ADAMTS19: variants seen among roughly 807,000 people sequenced by gnomAD.
The protein encoded by ADAMTS19 is A disintegrin and metalloproteinase with thrombospondin motifs 19.
A neutral mutation model predicts 153.3 loss-of-function variants in ADAMTS19; 93 were observed. The ratio of observed to expected loss-of-function variants is 0.61; its 90% confidence interval spans 0.51 to 0.72. ADAMTS19 has a LOEUF of 0.72. ADAMTS19 is among the 30% of genes least tolerant of loss of function. The pLI, the probability that ADAMTS19 is intolerant of heterozygous loss-of-function variation, is 0.00. For synonymous variants in ADAMTS19, 600 were observed against 556.6 expected, an observed-to-expected ratio of 1.08 and a Z score of -1.10; for missense variants, 1,482 against 1,552.1, an observed-to-expected ratio of 0.95 and a Z score of 0.76.
chr5:129,504,903 AC>A (rs1751223952), intron 2 of ADAMTS19, among the ~76,000 whole-genome samples: 2 of 145,180 alleles, frequency 1.4e-5, no homozygotes, highest in Admixed American at 1.4e-4. Flanking sequence ...ACACACACAC[AC>A]CATTTTTTAA....
intron 6 of ADAMTS19, among the ~76,000 whole-genome samples, chr5:129,535,442 C>A (rs1010633058): frequency 3.4e-4 from 52 of 152,330 alleles, no homozygotes; most frequent in Middle Eastern, 3.4e-3. Flanking sequence ...ACATTCCATG[C>A]TTATGGGTAG....
chr5:129,528,569 G>C lies in ADAMTS19; in HGVS notation c.1220G>C (p.Cys407Ser). The change falls in exon 6 of 23, where the codon TGT (cysteine) becomes TCT (serine). Residue 407 changes from cysteine to serine, a missense_variant. Cys to Ser is a moderately radical substitution (Grantham distance 112, BLOSUM62 -1). This residue lies in a region of ADAMTS19 where 866 missense variants were observed against 827.7 expected (regional missense o/e 1.05). Coordinates refer to ENST00000274487, the MANE Select transcript of ADAMTS19 (RefSeq NM_133638.6). ...HHGEKMLESF[C>S]KWQHEEFGKK... ...GGAGAAAAAATGCTAGAGAGTTTTTGTAAGTGGCAACATGAAGAATTTGGC... is the reference window on the plus strand; with the variant it reads ...GGAGAAAAAATGCTAGAGAGTTTTTCTAAGTGGCAACATGAAGAATTTGGC... The C allele has an allele frequency of 6.2e-7, 1 of 1,602,646 alleles. No homozygotes were observed. The highest frequency in any genetic ancestry group is 8.5e-7 in the Non-Finnish European group (1 of 1,175,286).
At chr5:129,509,028 T>C in intron 2 of ADAMTS19, 49 bp from the exon 3 acceptor site, 1 of 1,437,672 alleles carries the variant, frequency 7.0e-7, no homozygotes, top group Non-Finnish European at 9.4e-7. Context: ...TCTAAAAGTA[T>C]TTTTTCAAAT....
At chr5:129,547,308 C>G (rs1752896462) in intron 6 of ADAMTS19, among the ~76,000 whole-genome samples, 1 of 150,768 alleles carries the variant, frequency 6.6e-6, no homozygotes, top group African/African-American at 2.5e-5. Context: ...ATATTCTCAT[C>G]TAGAGCTTTC....
intron 15 of ADAMTS19, among the ~76,000 whole-genome samples, chr5:129,663,012 A>G (rs1753884318): frequency 6.8e-6 from 1 of 147,732 alleles, no homozygotes; most frequent in Non-Finnish European, 1.5e-5. Context: ...CTTCTGCCTC[A>G]GCCTCCTGAG....
intron 16 of ADAMTS19, among the ~76,000 whole-genome samples, chr5:129,676,114 G>T (rs1185496198): frequency 6.6e-6 from 1 of 152,032 alleles, no homozygotes; most frequent in Non-Finnish European, 1.5e-5. Flanking sequence ...CTTTTTATTG[G>T]CTGATTTTTC....
intron 3 of ADAMTS19, among the ~76,000 whole-genome samples, chr5:129,525,337 A>G (rs1258098170): frequency 6.6e-6 from 1 of 151,960 alleles, no homozygotes; most frequent in Non-Finnish European, 1.5e-5. Context: ...TTTAATTTTA[A>G]CTTATTCCAG....
chr5:129,580,757 C>CCAG (rs1486497883), intron 7 of ADAMTS19, among the ~76,000 whole-genome samples: 6 of 152,066 alleles, frequency 3.9e-5, no homozygotes, highest in African/African-American at 1.4e-4. Flanking sequence ...GTATGTTGAA[C>CCAG]CAGCCTTGTA....
intron 8 of ADAMTS19, among the ~76,000 whole-genome samples, chr5:129,608,116 G>GTGTGTGTGTA (rs377008786): frequency 1.1e-3 from 51 of 47,952 alleles, no homozygotes; most frequent in Non-Finnish European, 1.3e-3. Context: ...GTGTGTGTGT[G>GTGTGTGTGTA]TATATATATA....
At chr5:129,480,462 T>C (rs1419383217) in intron 2 of ADAMTS19, among the ~76,000 whole-genome samples, 1 of 152,030 alleles carries the variant, frequency 6.6e-6, no homozygotes, top group Non-Finnish European at 1.5e-5. Flanking sequence ...AAAAACATAA[T>C]ACAAAAAGTG....
At chr5:129,492,962 G>C (rs1750816131) in intron 2 of ADAMTS19, among the ~76,000 whole-genome samples, 1 of 152,028 alleles carries the variant, frequency 6.6e-6, no homozygotes. Context: ...GCTTCTTTAA[G>C]AAGAACTTCC....
rs766012804 is a variant in ADAMTS19, at chr5:129,679,824, C to A, written c.2567C>A (p.Ala856Asp). 9.9e-5 allele frequency: 159 copies of A among 1,613,682 alleles called. No individual in the cohort carries two copies. The highest frequency in any genetic ancestry group is 1.2e-4 in the Non-Finnish European group (147 of 1,179,778). Residue 856 changes from alanine to aspartate, a missense_variant, in exon 17 of 23, where the codon GCC becomes GAC. Around this residue, in one of 2 missense-constraint regions of ADAMTS19, gnomAD observed 616 missense variants for 724.4 expected, o/e 0.85. Coordinates refer to ENST00000274487, the MANE Select transcript of ADAMTS19 (RefSeq NM_133638.6). ...GACTGGAAGATTGAACACTCTGGAGCCTTCAATTTGGCTGGAACTACCGTT... is the reference window on the plus strand; with the variant it reads ...GACTGGAAGATTGAACACTCTGGAGACTTCAATTTGGCTGGAACTACCGTT... The part of the protein sequence containing the change: ...NSDWKIEHSG[A>D]FNLAGTTVHY...
At chr5:129,736,819 T>C (rs1372389968) in intron 22 of ADAMTS19, among the ~76,000 whole-genome samples, 1 of 152,094 alleles carries the variant, frequency 6.6e-6, no homozygotes, top group African/African-American at 2.4e-5. Flanking sequence ...GTACAACACA[T>C]TGAACCTGGG....
At chr5:129,660,185 G>A (rs1753759986) in intron 15 of ADAMTS19, among the ~76,000 whole-genome samples, 1 of 152,088 alleles carries the variant, frequency 6.6e-6, no homozygotes, top group South Asian at 2.1e-4. Context: ...AAATGAGTAA[G>A]GCCTATGGTA....
intron 7 of ADAMTS19, among the ~76,000 whole-genome samples, chr5:129,554,801 T>C (rs1753255634): frequency 1.3e-5 from 2 of 152,020 alleles, no homozygotes; most frequent in African/African-American, 4.8e-5. Context: ...GCAAGAAAAA[T>C]ATGGCGCAAT....
chr5:129,465,142 A>G (rs1443043498), intron 2 of ADAMTS19, among the ~76,000 whole-genome samples: 2 of 152,210 alleles, frequency 1.3e-5, no homozygotes, highest in Admixed American at 1.3e-4. Context: ...CCAACACTTT[A>G]CTTTTTAGTT....
chr5:129,665,642 TC>T, intron 16 of ADAMTS19, 63 bp downstream of exon 16: 3 of 1,275,526 alleles, frequency 2.4e-6, no homozygotes, highest in Non-Finnish European at 3.3e-6. Flanking sequence ...CCCTGAGAGT[TC>T]TATGATGAGG....
rs536321316 is a variant in ADAMTS19 at position 129,580,801 on chromosome 5, T to A, written c.1373-15758T>A. On this transcript the variant is annotated intron_variant, in intron 7 of 22. Coordinates refer to ENST00000274487, the MANE Select transcript of ADAMTS19 (RefSeq NM_133638.6). ...GTGAAGCTGACTTGATCGTGGTGGG[T>A]AAGCTTTTTGATGTGCTGCTGGATT... 2.0e-5 allele frequency among the ~76,000 whole-genome samples: 3 copies of A among 152,322 alleles called. No individual in the cohort carries two copies. The East Asian group carries it at 5.8e-4, about 29-fold the overall frequency.
chr5:129,532,658 A>T (rs1042105989), intron 6 of ADAMTS19, among the ~76,000 whole-genome samples: 41 of 152,056 alleles, frequency 2.7e-4, no homozygotes, highest in Non-Finnish European at 4.9e-4. Context: ...AGCTTTCATA[A>T]TTTTTTTTCA....
Sources: allele counts gnomAD v4.1 joint callset (sites outside exome capture counted in the v4.1 genomes callset), GRCh38; gene constraint gnomAD v4.1.1; regional missense constraint gnomAD v4.1.1; transcripts MANE v1.5; gene names NCBI Gene and HGNC (gene_info 2026-07-23, HGNC 2026-07-21).